Variants in GSG1L observed in about 807,000 individuals in gnomAD.
GSG1L encodes the protein GSG1 like.
GSG1L carries 24 observed loss-of-function variants against 42.1 expected under a neutral mutation model. The ratio of observed to expected loss-of-function variants is 0.57; its 90% CI spans 0.41 to 0.80. The LOEUF is 0.80. Ranked by LOEUF, GSG1L falls within the 30% of genes least tolerant of loss-of-function variation. The pLI is 0.00. For synonymous variants in GSG1L, 215 were observed against 203.5 expected (o/e 1.06, Z -0.48); for missense variants, 445 against 472.2 (o/e 0.94, Z 0.53).
At chr16:27,983,197 T>C (rs1251812065) in intron 1 of GSG1L, among the ~76,000 whole-genome samples, 1 of 152,084 alleles carries the variant, frequency 6.6e-6, no homozygotes, top group African/African-American at 2.4e-5. Flanking sequence ...TAGCTGGGCA[T>C]GGCGGTGCAT....
rs77857125 is a variant in GSG1L, at chr16:27,811,958, G to A, written c.831-4404C>T. 3.4e-3 allele frequency among the ~76,000 whole-genome samples: 521 copies of A among 152,276 alleles called. 4 individuals are homozygous for A. Among genetic ancestry groups the A allele is most frequent in the African/African-American group, 0.011 (461 of 41,566 alleles). On this transcript the variant is annotated intron_variant, in intron 5 of 6. Transcript: ENST00000447459. ...GAGCCACCATGCCTGGTCTCTCCTGGTTTCTTCTCTGAAGTCTCATCTTCC... is the reference window on the plus strand; with the variant it reads ...GAGCCACCATGCCTGGTCTCTCCTGATTTCTTCTCTGAAGTCTCATCTTCC...
chr16:27,892,912 A>G (rs552988663), intron 2 of GSG1L, among the ~76,000 whole-genome samples: 1 of 152,302 alleles, frequency 6.6e-6, no homozygotes, highest in African/African-American at 2.4e-5. Context: ...TCGGGAACCA[A>G]TGCAGAATGC....
At chr16:27,947,363 G>A (rs983558026) in intron 2 of GSG1L, among the ~76,000 whole-genome samples, 1 of 115,360 alleles carries the variant, frequency 8.7e-6, no homozygotes, top group Admixed American at 9.4e-5. Context: ...GAAGGAGGAG[G>A]AGGAGAGAAA....
chr16:28,006,324 T>TTTA (rs2085638533), intron 1 of GSG1L, among the ~76,000 whole-genome samples: 2 of 146,632 alleles, frequency 1.4e-5, no homozygotes, highest in African/African-American at 5.1e-5. Context: ...TATTTATTTA[T>TTTA]TTAAGACAGA....
intron 1 of GSG1L, among the ~76,000 whole-genome samples, chr16:28,052,703 G>A (rs2086233588): frequency 6.6e-6 from 1 of 152,226 alleles, no homozygotes; most frequent in South Asian, 2.1e-4. Context: ...AACTAGGGTT[G>A]TCTGCAACCT....
intron 2 of GSG1L, among the ~76,000 whole-genome samples, chr16:27,947,420 G>GAA (rs2084888958): frequency 1.4e-5 from 2 of 143,904 alleles, no homozygotes; most frequent in Admixed American, 1.4e-4. Context: ...AAGAAAGAAA[G>GAA]AAAGAAAGAG....
At chr16:28,062,608 G>A (rs773242119) in intron 1 of GSG1L, among the ~76,000 whole-genome samples, 2 of 152,196 alleles carry the variant, frequency 1.3e-5, no homozygotes, top group Admixed American at 6.5e-5. Flanking sequence ...GTGGATCTGC[G>A]GCAGGAGGGG....
chr16:27,947,861 G>A lies in GSG1L; in HGVS notation c.397+15295C>T, dbSNP rs143038099. On this transcript the variant is annotated intron_variant, in intron 2 of 6. Coordinates refer to ENST00000447459, the MANE Select transcript of GSG1L (RefSeq NM_001109763.2). ...GGAGCAAGTGGGACCGGCTCTCGGA[G>A]CCCTTTGCACTCTGACATTCCATGC... Among the ~76,000 whole-genome samples the A allele has an allele frequency of 3.6e-3, 547 of 152,256 alleles. 4 individuals carry two copies. The highest frequency in any genetic ancestry group is 5.3e-3 in the Non-Finnish European group (361 of 68,024).
intron 6 of GSG1L, among the ~76,000 whole-genome samples, chr16:27,800,310 T>C (rs914881334): frequency 2.6e-5 from 4 of 152,188 alleles, no homozygotes; most frequent in African/African-American, 9.7e-5. Flanking sequence ...CCCTCTGCTA[T>C]TTTGAGGGCA....
intron 1 of GSG1L, among the ~76,000 whole-genome samples, chr16:27,979,696 A>AGAGAG (rs1567542876): frequency 1.9e-5 from 1 of 52,224 alleles, no homozygotes; most frequent in Non-Finnish European, 4.2e-5. Context: ...AGAAGGAAGG[A>AGAGAG]AGGAAGGAAG....
intron 4 of GSG1L, among the ~76,000 whole-genome samples, chr16:27,837,104 G>C (rs2083329133): frequency 6.6e-6 from 1 of 152,162 alleles, no homozygotes; most frequent in Non-Finnish European, 1.5e-5. Flanking sequence ...AACTGACTCA[G>C]TTCAGCATGG....
At chr16:27,973,224 C>CA (rs747855027) in intron 1 of GSG1L, among the ~76,000 whole-genome samples, 2 of 151,876 alleles carry the variant, frequency 1.3e-5, no homozygotes, top group Non-Finnish European at 2.9e-5. Context: ...CTGAGGCAGG[C>CA]AGATCACCTG....
chr16:27,888,506 T>C lies in GSG1L; in HGVS notation c.398-3868A>G, dbSNP rs1391445855. On this transcript the variant is annotated intron_variant, in intron 2 of 6. Transcript: ENST00000447459. ...TCCTTTCTTTCTTTCTTTCTTTCTT[T>C]CTTTCTTTCTTTCTTTCTTTCTTTC... Among the ~76,000 whole-genome samples, 34 of 10,352 alleles carry C rather than the reference T, an allele frequency of 3.3e-3. 4 individuals carry two copies. Among genetic ancestry groups the C allele is most frequent in the African/African-American group, 8.2e-3 (30 of 3,664 alleles). The allele number at this position is 10,352 out of a possible 152,430, so 6.8% of individuals were successfully genotyped here.
chr16:27,910,906 G>A (rs980227543), intron 2 of GSG1L, among the ~76,000 whole-genome samples: 3 of 152,222 alleles, frequency 2.0e-5, no homozygotes, highest in East Asian at 3.9e-4. Flanking sequence ...TGTACAACTC[G>A]GGAGGCTGAG....
intron 1 of GSG1L, among the ~76,000 whole-genome samples, chr16:28,036,360 T>G (rs1445232062): frequency 6.6e-6 from 1 of 152,214 alleles, no homozygotes; most frequent in Admixed American, 6.5e-5. Flanking sequence ...CAGAGCTTTC[T>G]CATGCCCTGG....
rs1567529902 is a variant in GSG1L at position 27,946,610 on chromosome 16, AGAGAGAG to A, written c.397+16539_397+16545del. Among the ~76,000 whole-genome samples, 7 of 10,044 alleles carry A rather than the reference AGAGAGAG, an allele frequency of 7.0e-4. 1 individual carries two copies. The highest frequency in any genetic ancestry group is 1.8e-3 in the African/African-American group (7 of 3,802). The allele number at this position is 10,044 out of a possible 152,430, so 6.6% of individuals were successfully genotyped here. A position where few individuals can be genotyped will look rare whatever the true frequency, so the allele number is the denominator to read the frequency against. On this transcript the variant is annotated intron_variant, in intron 2 of 6. Transcript: ENST00000447459. ...GAGAGAGAGAGAGAGAGAGAGAGAG[AGAGAGAG>A]AGAGAGAGAGAGAGAAAGAAAGAAA...
chr16:27,803,785 AT>A (rs1567460359), intron 6 of GSG1L, among the ~76,000 whole-genome samples: 1 of 83,416 alleles, frequency 1.2e-5, no homozygotes, highest in East Asian at 3.2e-4. Context: ...ATATATATAT[AT>A]ATATATATAG....
intron 1 of GSG1L, among the ~76,000 whole-genome samples, chr16:28,018,836 A>G (rs1399979106): frequency 6.6e-6 from 1 of 152,132 alleles, no homozygotes. Context: ...TTCTCCATAG[A>G]GGCTTGAGGG....
chr16:27,900,846 G>A (rs71389815), intron 2 of GSG1L, among the ~76,000 whole-genome samples: 5,926 of 151,874 alleles, frequency 0.039, 153 homozygotes, highest in Non-Finnish European at 0.06. Flanking sequence ...CAGATACATA[G>A]GCCGAGCATG....
Sources: gnomAD v4.1 joint callset for allele counts (sites outside exome capture counted in the v4.1 genomes callset) on GRCh38, gnomAD v4.1.1 for gene constraint, MANE v1.5 for transcripts, NCBI Gene and HGNC (gene_info 2026-07-23, HGNC 2026-07-21) for gene names.